Variants in DIRAS2 observed in about 807,000 individuals in gnomAD.
DIRAS2 encodes DIRAS family GTPase 2.
In DIRAS2, 5 loss-of-function variants were observed where a neutral mutation model predicts 13.9. The ratio of observed to expected loss-of-function variants is 0.36; its 90% CI spans 0.19 to 0.76. DIRAS2 has a LOEUF of 0.76. DIRAS2 is among the 30% of genes least tolerant of loss of function. The probability of loss-of-function intolerance (pLI) is 0.53; values close to 1 mark genes in which losing one functional copy is unlikely to be tolerated. For missense variants in DIRAS2, 191 were observed against 263.0 expected, an observed-to-expected ratio of 0.73 and a Z score of 1.89; for synonymous variants, 111 against 105.4, an observed-to-expected ratio of 1.05 and a Z score of -0.33.
intron 1 of DIRAS2, among the ~76,000 whole-genome samples, chr9:90,631,108 G>A (rs1264457368): frequency 6.6e-6 from 1 of 152,190 alleles, no homozygotes; most frequent in Middle Eastern, 3.2e-3. Context: ...CATCGAAGAT[G>A]ATGAGAGACC....
intron 1 of DIRAS2, among the ~76,000 whole-genome samples, chr9:90,614,774 G>A (rs1825152565): frequency 6.6e-6 from 1 of 152,204 alleles, no homozygotes. Flanking sequence ...GGTATTACCA[G>A]GATAGTAGCA....
At chr9:90,614,308 G>GTA (rs1825145780) in intron 1 of DIRAS2, among the ~76,000 whole-genome samples, 1 of 45,564 alleles carries the variant, frequency 2.2e-5, no homozygotes, top group African/African-American at 9.9e-5. Flanking sequence ...TCATCATAAT[G>GTA]TGTGTGTGTG....
chr9:90,609,896 T>C lies in DIRAS2; in HGVS notation c.*3332A>G, dbSNP rs976245931. On this transcript the variant is annotated 3_prime_UTR_variant, in exon 2 of 2. Transcript: ENST00000375765. Reference sequence around the variant, plus strand: ...TTATTTCCAGAACATCACTGGCAACTAGAAACTTGTATGCAAGGGTGATTT... The same window carrying C: ...TTATTTCCAGAACATCACTGGCAACCAGAAACTTGTATGCAAGGGTGATTT... 6.6e-6 allele frequency: 1 copy of C among 152,228 alleles called. No individual in the cohort carries two copies. Among genetic ancestry groups the C allele is most frequent in the African/African-American group, 2.4e-5 (1 of 41,462 alleles). The allele number at this position is 152,228 out of a possible 1,614,324, so 9.4% of individuals were successfully genotyped here. A position where few individuals can be genotyped will look rare whatever the true frequency, so the allele number is the denominator to read the frequency against.
chr9:90,633,934 G>A (rs572788837), intron 1 of DIRAS2, among the ~76,000 whole-genome samples: 36 of 152,322 alleles, frequency 2.4e-4, no homozygotes, highest in African/African-American at 7.7e-4. Context: ...ATTTGAATTG[G>A]TGGCTACATG....
intron 1 of DIRAS2, among the ~76,000 whole-genome samples, chr9:90,627,782 G>A (rs1206448947): frequency 1.3e-5 from 2 of 151,954 alleles, no homozygotes; most frequent in Non-Finnish European, 2.9e-5. Flanking sequence ...TGTCCATAAC[G>A]AACGTAATTG....
At chr9:90,629,215 T>C (rs1825301642) in intron 1 of DIRAS2, among the ~76,000 whole-genome samples, 1 of 152,222 alleles carries the variant, frequency 6.6e-6, no homozygotes, top group African/African-American at 2.4e-5. Context: ...TTACTACAAA[T>C]ACAAAATTAC....
At chr9:90,629,111 C>T (rs10821480) in intron 1 of DIRAS2, among the ~76,000 whole-genome samples, 46,525 of 152,140 alleles carry the variant, frequency 0.31, 7,547 homozygotes, top group South Asian at 0.44. Flanking sequence ...GCCTCGGCCT[C>T]CCAAAGTGTT....
intron 1 of DIRAS2, among the ~76,000 whole-genome samples, chr9:90,620,415 C>T (rs1423638153): frequency 2.0e-5 from 3 of 152,138 alleles, no homozygotes; most frequent in Non-Finnish European, 4.4e-5. Context: ...CTGAAATATT[C>T]ATACCATGAA....
rs548689792 is a variant in DIRAS2 at position 90,611,607 on chromosome 9, A to G, written c.*1621T>C. 2.6e-5 allele frequency: 4 copies of G among 152,438 alleles called. No individual in the cohort carries two copies. The highest frequency in any genetic ancestry group is 9.6e-5 in the African/African-American group (4 of 41,576). 9.4% of individuals were successfully genotyped at this position (152,438 alleles called of 1,614,324 possible). On this transcript the variant is annotated 3_prime_UTR_variant, in exon 2 of 2. Coordinates refer to ENST00000375765, the MANE Select transcript of DIRAS2 (RefSeq NM_017594.5). ...AGCCCTGCATAGGAGGGACAGGAGA[A>G]ACAGCAGTTGCAGGAGGTGGCCTGG...
rs1459246121 is a variant in DIRAS2, at chr9:90,625,145, C to A, written c.-36-11282G>T. Among the ~76,000 whole-genome samples, 3 of 152,256 alleles carry A rather than the reference C, an allele frequency of 2.0e-5. No individual in the cohort carries two copies. The South Asian group carries it at 6.2e-4, about 32-fold the overall frequency. The stretch of plus-strand genomic sequence containing the variant: ...CAAAGATAAAGTCAACTGGAGCACA[C>A]GAATCTGCATGTATGGAAAATAAAG... On this transcript the variant is annotated intron_variant, in intron 1 of 1. Coordinates refer to ENST00000375765, the MANE Select transcript of DIRAS2 (RefSeq NM_017594.5).
chr9:90,624,141 T>C (rs532591), intron 1 of DIRAS2, among the ~76,000 whole-genome samples: 39,471 of 152,140 alleles, frequency 0.26, 5,504 homozygotes, highest in East Asian at 0.4. Flanking sequence ...ATGGGAGCCC[T>C]TTAAAAGTCT....
At chr9:90,642,227 A>G (rs979991818) in intron 1 of DIRAS2, among the ~76,000 whole-genome samples, 2 of 152,332 alleles carry the variant, frequency 1.3e-5, no homozygotes, top group Admixed American at 1.3e-4. Flanking sequence ...CTCTTACAAC[A>G]AGGAAGCGGA....
chr9:90,640,547 G>A (rs1825409735), intron 1 of DIRAS2, among the ~76,000 whole-genome samples: 1 of 152,150 alleles, frequency 6.6e-6, no homozygotes, highest in Non-Finnish European at 1.5e-5. Context: ...TTTTGATTGA[G>A]CAGCTGTTTT....
chr9:90,610,711 A>G lies in DIRAS2; in HGVS notation c.*2517T>C. The G allele has an allele frequency of 3.1e-6, 1 of 319,890 alleles. No homozygotes were observed. Among genetic ancestry groups the G allele is most frequent in the Non-Finnish European group, 5.6e-6 (1 of 178,156 alleles). 19.8% of individuals were successfully genotyped at this position (319,890 alleles called of 1,614,324 possible). On this transcript the variant is annotated 3_prime_UTR_variant, in exon 2 of 2. Transcript: ENST00000375765. ...CCTAAAAGACGATTTTGAGATAACC[A>G]TTGATATCCTCAGTTCAGCTCATAG...
At position 90,610,696 on chromosome 9, in the gene DIRAS2, G is replaced by A. The variant is rs935258034; in HGVS notation, c.*2532C>T. On this transcript the variant is annotated 3_prime_UTR_variant, in exon 2 of 2. Coordinates refer to ENST00000375765, the MANE Select transcript of DIRAS2 (RefSeq NM_017594.5). ...GTCAATTGGGGATCTCCTAAAAGAC[G>A]ATTTTGAGATAACCATTGATATCCT... 1.2e-5 allele frequency: 4 copies of A among 337,172 alleles called. No individual in the cohort carries two copies. Among genetic ancestry groups the A allele is most frequent in the East Asian group, 4.4e-5 (1 of 22,746 alleles). 20.9% of individuals were successfully genotyped at this position (337,172 alleles called of 1,614,324 possible). A position where few individuals can be genotyped will look rare whatever the true frequency, so the allele number is the denominator to read the frequency against.
rs1825118665 is a variant in DIRAS2 at position 90,611,953 on chromosome 9, C to T, written c.*1275G>A. On this transcript the variant is annotated 3_prime_UTR_variant, in exon 2 of 2. Transcript: ENST00000375765. ...AGCCTGCCTGTCTCCAGCCACCATCCTATCCCCAAGCTAACACAGGAAACC... is the reference window on the plus strand; with the variant it reads ...AGCCTGCCTGTCTCCAGCCACCATCTTATCCCCAAGCTAACACAGGAAACC... 2 of 152,198 alleles carry T rather than the reference C, an allele frequency of 1.3e-5. No homozygotes were observed. The highest frequency in any genetic ancestry group is 2.9e-5 in the Non-Finnish European group (2 of 68,034). 9.4% of individuals were successfully genotyped at this position (152,198 alleles called of 1,614,324 possible).
intron 1 of DIRAS2, among the ~76,000 whole-genome samples, chr9:90,616,339 G>A (rs970925130): frequency 6.6e-6 from 1 of 152,176 alleles, no homozygotes; most frequent in East Asian, 1.9e-4. Flanking sequence ...CAGACTTAAG[G>A]AAGGATCTCT....
At chr9:90,638,185 C>CA (rs1434806839) in intron 1 of DIRAS2, among the ~76,000 whole-genome samples, 2 of 152,154 alleles carry the variant, frequency 1.3e-5, no homozygotes, top group African/African-American at 4.8e-5. Flanking sequence ...GTTACAACAA[C>CA]TTGATTTATT....
chr9:90,611,237 A>T lies in DIRAS2; in HGVS notation c.*1991T>A, dbSNP rs1825110236. On this transcript the variant is annotated 3_prime_UTR_variant, in exon 2 of 2. Coordinates refer to ENST00000375765, the MANE Select transcript of DIRAS2 (RefSeq NM_017594.5). ...TGCGAATGCTGTGCAACAGCTTTTTAGAACAGAACAATCCTGCTTGAGGAA... is the reference window on the plus strand; with the variant it reads ...TGCGAATGCTGTGCAACAGCTTTTTTGAACAGAACAATCCTGCTTGAGGAA... The T allele has an allele frequency of 6.6e-6, 1 of 152,232 alleles. No homozygotes were observed. The highest frequency in any genetic ancestry group is 6.5e-5 in the Admixed American group (1 of 15,288). 9.4% of individuals were successfully genotyped at this position (152,232 alleles called of 1,614,324 possible). A position where few individuals can be genotyped will look rare whatever the true frequency, so the allele number is the denominator to read the frequency against.
Sources: gnomAD v4.1 joint callset for allele counts (sites outside exome capture counted in the v4.1 genomes callset) on GRCh38, gnomAD v4.1.1 for gene constraint, MANE v1.5 for transcripts, NCBI Gene and HGNC (gene_info 2026-07-23, HGNC 2026-07-21) for gene names.